Variants in ELOVL6 observed in about 807,000 individuals in gnomAD.
The protein encoded by ELOVL6 is ELOVL fatty acid elongase 6.
In ELOVL6, 8 loss-of-function variants were observed where a neutral mutation model predicts 31.7. The ratio of observed to expected loss-of-function variants is 0.25; its 90% CI spans 0.15 to 0.45. The LOEUF (loss-of-function observed/expected upper bound fraction) is 0.45, where lower values mean the gene tolerates loss of function less well. Among genes scored for constraint, ELOVL6 ranks in the 20% least tolerant of loss-of-function variants. ELOVL6 has a pLI of 1.00. For synonymous variants in ELOVL6, 101 were observed against 117.7 expected (o/e 0.86, Z 0.92); for missense variants, 126 against 326.4 (o/e 0.39, Z 4.73).
At chr4:110,117,903 A>AAAAAAAAAAAAAATTAT in intron 1 of ELOVL6, 2 of 6,506 alleles carry the variant, frequency 3.1e-4, no homozygotes, top group African/African-American at 6.5e-4. Flanking sequence ...AAAAAAAAAA[A>AAAAAAAAAAAAAATTAT]ATATATATAT....
intron 1 of ELOVL6, among the ~76,000 whole-genome samples, chr4:110,183,154 G>T (rs1759340588): frequency 6.6e-6 from 1 of 152,108 alleles, no homozygotes; most frequent in South Asian, 2.1e-4. Context: ...CCCAAAATAT[G>T]TTTCTTTGCT....
intron 2 of ELOVL6, among the ~76,000 whole-genome samples, chr4:110,084,440 G>GATATATCACATATATGATATATC (rs1203410388): frequency 2.5e-5 from 2 of 80,482 alleles, no homozygotes; most frequent in East Asian, 2.6e-4. Context: ...TATCATATAT[G>GATATATCACATATATGATATATC]ATATATCGCA....
chr4:110,094,943 G>T (rs902054212), intron 2 of ELOVL6, among the ~76,000 whole-genome samples: 16 of 152,096 alleles, frequency 1.1e-4, no homozygotes, highest in African/African-American at 3.9e-4. Context: ...GGTGTTCCAA[G>T]GACAGCAAGA....
At chr4:110,187,690 C>A (rs1318194450) in intron 1 of ELOVL6, among the ~76,000 whole-genome samples, 5 of 145,346 alleles carry the variant, frequency 3.4e-5, no homozygotes, top group Non-Finnish European at 7.6e-5. Context: ...GAATGAAACT[C>A]CATCTAAAAA....
chr4:110,140,782 T>C (rs1253996256), intron 1 of ELOVL6, among the ~76,000 whole-genome samples: 1 of 150,740 alleles, frequency 6.6e-6, no homozygotes, highest in Non-Finnish European at 1.5e-5. Flanking sequence ...TATTATTATA[T>C]ATATAATATT....
chr4:110,096,014 AT>A (rs1756570599), intron 2 of ELOVL6, among the ~76,000 whole-genome samples: 1 of 147,864 alleles, frequency 6.8e-6, no homozygotes, highest in African/African-American at 2.6e-5. Flanking sequence ...GTTTGGAAAT[AT>A]CACAGACAGG....
At chr4:110,189,676 T>C (rs1325551566) in intron 1 of ELOVL6, among the ~76,000 whole-genome samples, 1 of 138,844 alleles carries the variant, frequency 7.2e-6, no homozygotes, top group Admixed American at 7.4e-5. Flanking sequence ...TCACTTTAAA[T>C]AGGATTATAG....
chr4:110,081,165 G>T (rs181481489), intron 2 of ELOVL6, among the ~76,000 whole-genome samples: 5,983 of 152,100 alleles, frequency 0.039, 307 homozygotes, highest in African/African-American at 0.12. Flanking sequence ...TGGCCATACT[G>T]CCCAAGGTAA....
intron 1 of ELOVL6, 110 bp downstream of exon 1, chr4:110,198,137 C>G (rs1759874801): frequency 1.4e-6 from 1 of 694,912 alleles, no homozygotes; most frequent in East Asian, 3.2e-5. Context: ...CAGCTGGCTG[C>G]CCGCGATTCA....
rs572578061 is a variant in ELOVL6, at chr4:110,077,066, G to T, written c.222-17312C>A. Among the ~76,000 whole-genome samples, 10 of 152,330 alleles carry T rather than the reference G, an allele frequency of 6.6e-5. No homozygotes were observed. In the South Asian group the frequency reaches 1.4e-3, roughly 22 times the overall value. Reference sequence around the variant, plus strand: ...GGCGCCTGCCATTGCTGAGGCTTGAGTAGGTAAACAAAGCAGCCAGCCAGG... The same window carrying T: ...GGCGCCTGCCATTGCTGAGGCTTGATTAGGTAAACAAAGCAGCCAGCCAGG... On this transcript the variant is annotated intron_variant, in intron 2 of 3. Transcript: ENST00000302274.
chr4:110,195,746 G>C (rs1446046191), intron 1 of ELOVL6, among the ~76,000 whole-genome samples: 1 of 152,142 alleles, frequency 6.6e-6, no homozygotes, highest in Non-Finnish European at 1.5e-5. Context: ...AACGAGTAGT[G>C]CTGGCAATAA....
intron 1 of ELOVL6, among the ~76,000 whole-genome samples, chr4:110,147,479 G>T (rs527261795): frequency 2.0e-4 from 30 of 152,188 alleles, no homozygotes; most frequent in Non-Finnish European, 1.8e-4. Context: ...ATAATTAACA[G>T]AGTGAACAGA....
At chr4:110,138,641 G>A (rs1055606739) in intron 1 of ELOVL6, among the ~76,000 whole-genome samples, 1 of 148,182 alleles carries the variant, frequency 6.7e-6, no homozygotes, top group African/African-American at 2.5e-5. Context: ...ACATTCAAAG[G>A]AAAAGAAAGT....
At chr4:110,125,459 A>G (rs1268773308) in intron 1 of ELOVL6, among the ~76,000 whole-genome samples, 1 of 152,176 alleles carries the variant, frequency 6.6e-6, no homozygotes, top group East Asian at 1.9e-4. Flanking sequence ...TACATAAGGA[A>G]AGGGATGGAT....
intron 1 of ELOVL6, among the ~76,000 whole-genome samples, chr4:110,121,271 T>C (rs1757350240): frequency 6.6e-6 from 1 of 152,242 alleles, no homozygotes; most frequent in South Asian, 2.1e-4. Context: ...CATGTATCTA[T>C]AAATGTGTAT....
intron 1 of ELOVL6, among the ~76,000 whole-genome samples, chr4:110,107,085 T>C (rs1756910478): frequency 6.6e-6 from 1 of 152,212 alleles, no homozygotes; most frequent in Non-Finnish European, 1.5e-5. Context: ...CTAAAGAGTA[T>C]TATTTGTAAA....
intron 1 of ELOVL6, among the ~76,000 whole-genome samples, chr4:110,139,339 A>G (rs35757511): frequency 0.022 from 3,410 of 152,266 alleles, 222 homozygotes; most frequent in East Asian, 0.2. Flanking sequence ...CAGTCTGTCA[A>G]TATTTTACTT....
At chr4:110,061,591 C>T (rs1453642442) in intron 2 of ELOVL6, among the ~76,000 whole-genome samples, 4 of 110,458 alleles carry the variant, frequency 3.6e-5, no homozygotes, top group African/African-American at 1.4e-4. Flanking sequence ...GAATCTCGCT[C>T]TCTCAGCCAG....
chr4:110,179,332 C>G (rs1363077364), intron 1 of ELOVL6, among the ~76,000 whole-genome samples: 1 of 151,768 alleles, frequency 6.6e-6, no homozygotes, highest in Non-Finnish European at 1.5e-5. Flanking sequence ...TGGTGAAACC[C>G]CATCTCTACT....
Sources: gnomAD v4.1 joint callset for allele counts (sites outside exome capture counted in the v4.1 genomes callset) on GRCh38, gnomAD v4.1.1 for gene constraint, MANE v1.5 for transcripts, NCBI Gene and HGNC (gene_info 2026-07-23, HGNC 2026-07-21) for gene names.